The following DRC2 variants were observed in gnomAD, a reference collection of about 807,000 sequenced individuals.
The protein encoded by DRC2 is dynein regulatory complex subunit 2.
At chr12:48,911,938 G>A in the DRC2 span, among the ~76,000 whole-genome samples, 1 of 151,152 alleles carries the variant, frequency 6.6e-6, no homozygotes, top group Non-Finnish European at 1.5e-5. Flanking sequence ...TGGTTGTCTG[G>A]TATCCTCCAG....
the DRC2 span, among the ~76,000 whole-genome samples, chr12:48,911,918 T>TA: frequency 3.3e-5 from 5 of 151,364 alleles, no homozygotes; most frequent in Admixed American, 6.6e-5. Context: ...TTACCAGTTT[T>TA]AAAAAAAATT....
chr12:48,904,143 T>C, the DRC2 span: 1 of 654,200 alleles, frequency 1.5e-6, no homozygotes, highest in South Asian at 2.0e-5. Flanking sequence ...AGACGCGTCT[T>C]ACAGTGGGAG....
the DRC2 span, among the ~76,000 whole-genome samples, chr12:48,919,536 C>T: frequency 3.4e-5 from 5 of 146,768 alleles, no homozygotes; most frequent in African/African-American, 1.0e-4. Flanking sequence ...TTTTTTGAGA[C>T]GAAGTTTTAT....
At chr12:48,915,139 T>G in the DRC2 span, among the ~76,000 whole-genome samples, 1 of 146,104 alleles carries the variant, frequency 6.8e-6, no homozygotes, top group Non-Finnish European at 1.5e-5. Flanking sequence ...TTATTGATCA[T>G]TCTTGGGTGT....
At chr12:48,912,045 G>C in the DRC2 span, among the ~76,000 whole-genome samples, 5 of 151,920 alleles carry the variant, frequency 3.3e-5, no homozygotes, top group African/African-American at 1.2e-4. Context: ...GGATCACGAG[G>C]TCAGGAGTTT....
chr12:48,920,452 A>ATT, the DRC2 span, among the ~76,000 whole-genome samples: 20 of 147,214 alleles, frequency 1.4e-4, 1 homozygote, highest in East Asian at 3.9e-4. Context: ...AAAAAAAAAA[A>ATT]AAAAAAAAAA....
At chr12:48,921,110 G>A in the DRC2 span, 1 of 1,610,020 alleles carries the variant, frequency 6.2e-7, no homozygotes, top group African/African-American at 1.3e-5. Flanking sequence ...GTGGGGCATT[G>A]GGCAGCATTT....
the DRC2 span, among the ~76,000 whole-genome samples, chr12:48,907,261 G>T: frequency 6.6e-6 from 1 of 152,134 alleles, no homozygotes; most frequent in South Asian, 2.1e-4. Flanking sequence ...GAACAGCAGT[G>T]TTCATTGCCT....
chr12:48,904,801 G>A, the DRC2 span: 2 of 665,826 alleles, frequency 3.0e-6, no homozygotes, highest in Non-Finnish European at 4.9e-6. Flanking sequence ...CCACCCTGAA[G>A]GAAATTCACC....
At chr12:48,917,195 A>T in the DRC2 span, 1 of 1,499,900 alleles carries the variant, frequency 6.7e-7, no homozygotes, top group Non-Finnish European at 9.1e-7. Flanking sequence ...TCACACCTGT[A>T]ATCCCAGCAC....
chr12:48,904,501 C>A, the DRC2 span: 2 of 1,602,824 alleles, frequency 1.2e-6, no homozygotes, highest in Non-Finnish European at 1.7e-6. Context: ...CCTGCTCAAC[C>A]CCATCCACCC....
At chr12:48,918,259 TGG>T in the DRC2 span, 5 of 1,612,792 alleles carry the variant, frequency 3.1e-6, no homozygotes, top group Non-Finnish European at 4.2e-6. Context: ...TTTGCTATTT[TGG>T]GGTCACTTGC....
chr12:48,918,666 A>G, the DRC2 span: 2 of 1,610,568 alleles, frequency 1.2e-6, no homozygotes, highest in Non-Finnish European at 1.7e-6. Context: ...ATTTCCCCTA[A>G]TCTACTCTGT....
the DRC2 span, chr12:48,918,118 T>C: frequency 1.5e-6 from 1 of 656,930 alleles, no homozygotes; most frequent in African/African-American, 1.8e-5. Context: ...ACAAAACATA[T>C]TTATATCATC....
the DRC2 span, among the ~76,000 whole-genome samples, chr12:48,909,246 T>C: frequency 6.6e-6 from 1 of 151,868 alleles, no homozygotes; most frequent in African/African-American, 2.4e-5. Context: ...TTTCTCTATG[T>C]TGGTCAGGCT....
At chr12:48,914,577 T>TG in the DRC2 span, 7 of 1,613,188 alleles carry the variant, frequency 4.3e-6, no homozygotes, top group Non-Finnish European at 5.9e-6. Context: ...CAGAAAGGTA[T>TG]GGGGGCCTAA....
chr12:48,918,821 G>A, the DRC2 span: 18 of 1,613,934 alleles, frequency 1.1e-5, no homozygotes, highest in Non-Finnish European at 1.5e-5. Flanking sequence ...ACTCAGGCCC[G>A]GGCAGCATCC....
the DRC2 span, among the ~76,000 whole-genome samples, chr12:48,916,784 A>C: frequency 6.6e-6 from 1 of 152,332 alleles, no homozygotes; most frequent in East Asian, 1.9e-4. Flanking sequence ...CCCATTCAGA[A>C]ATCAAAATAA....
At chr12:48,921,353 A>C in the DRC2 span, 1 of 1,614,120 alleles carries the variant, frequency 6.2e-7, no homozygotes, top group Non-Finnish European at 8.5e-7. Flanking sequence ...AGCTCAACCC[A>C]CTCTTTATAG....
Sources: allele counts gnomAD v4.1 joint callset (sites outside exome capture counted in the v4.1 genomes callset), GRCh38; gene constraint gnomAD v4.1.1; transcripts MANE v1.5; gene names NCBI Gene and HGNC (gene_info 2026-07-23, HGNC 2026-07-21).